The following ZC3H12B variants were observed in gnomAD, a reference collection of about 807,000 sequenced individuals.
The protein encoded by ZC3H12B is probable ribonuclease ZC3H12B.
A neutral mutation model predicts 43.9 loss-of-function variants in ZC3H12B; 7 were observed. The ratio of observed to expected loss-of-function variants is 0.16; its 90% confidence interval spans 0.09 to 0.30. The LOEUF is 0.30. Among genes scored for constraint, ZC3H12B ranks in the 10% least tolerant of loss-of-function variants. ZC3H12B has a pLI of 1.00. For synonymous variants in ZC3H12B, 222 were observed against 241.7 expected (o/e 0.92, Z 0.76); for missense variants, 475 against 670.2 (o/e 0.71, Z 3.22).
Position 65,497,058 on chromosome X carries a change from GA to G in ZC3H12B, c.609-69del. The G allele has an allele frequency of 4.2e-6, 4 of 960,971 alleles. No homozygotes were observed. In the South Asian group the frequency reaches 9.7e-5, roughly 23 times the overall value. The allele number at this position is 960,971 out of a possible 1,213,427, so 79.2% of individuals were successfully genotyped here. ...TCTATTATTAATACCTTGGTACTAA[GA>G]AAAAGCCTGCTTCAGATATTTCTTT... On this transcript the variant is annotated intron_variant, in intron 1 of 4. Coordinates refer to ENST00000338957, the Ensembl canonical transcript of ZC3H12B.
chrX:65,051,139 G>A, the ZC3H12B span, among the ~76,000 whole-genome samples: 5 of 111,493 alleles, frequency 4.5e-5, no homozygotes, highest in African/African-American at 1.6e-4. Flanking sequence ...TGAATTTATG[G>A]ACAAATAGTT....
the ZC3H12B span, among the ~76,000 whole-genome samples, chrX:65,131,857 G>T: frequency 8.9e-6 from 1 of 111,737 alleles, no homozygotes; most frequent in African/African-American, 3.3e-5. Context: ...GAGAATAAAT[G>T]TTGAAGGAGC....
chrX:65,396,730 G>C (rs1005887554), intron 2 of ZC3H12B, among the ~76,000 whole-genome samples: 2 of 111,017 alleles, frequency 1.8e-5, no homozygotes, highest in African/African-American at 6.6e-5. Context: ...ACTTGGTCCA[G>C]AGCTGAGTTC....
chrX:65,290,897 G>C, the ZC3H12B span, among the ~76,000 whole-genome samples: 1 of 110,813 alleles, frequency 9.0e-6, no homozygotes, highest in Non-Finnish European at 1.9e-5. Context: ...GTGTTAAAGG[G>C]TACAAACATA....
At chrX:65,232,959 A>G in the ZC3H12B span, among the ~76,000 whole-genome samples, 2 of 112,176 alleles carry the variant, frequency 1.8e-5, no homozygotes, top group Non-Finnish European at 3.8e-5. Flanking sequence ...TACATCAGAA[A>G]AAAATAGTTT....
At chrX:65,430,240 C>A (rs2067139306) in intron 3 of ZC3H12B, among the ~76,000 whole-genome samples, 1 of 111,243 alleles carries the variant, frequency 9.0e-6, no homozygotes, top group African/African-American at 3.3e-5. Context: ...GGAGCCAAGG[C>A]CCTCATAGTG....
Position 65,408,648 on chromosome X carries a change from A to G in ZC3H12B, n.407+9944A>G, listed in dbSNP as rs2066866577. 3 of 1,047,661 alleles carry G rather than the reference A, an allele frequency of 2.9e-6. No individual in the cohort carries two copies. The East Asian group carries it at 9.5e-5, about 33-fold the overall frequency. The allele number at this position is 1,047,661 out of a possible 1,213,427, so 86.3% of individuals were successfully genotyped here. A position where few individuals can be genotyped will look rare whatever the true frequency, so the allele number is the denominator to read the frequency against. The stretch of plus-strand genomic sequence containing the variant: ...GATGACAAGAAGCATCAAGATGCAG[A>G]GCACCACAGAGATGAGAGGCCCGGC... On this transcript the variant is annotated intron_variant and non_coding_transcript_variant, in intron 3 of 5. Coordinates refer to the ZC3H12B transcript ENST00000617377.
chrX:65,237,817 T>A, the ZC3H12B span, among the ~76,000 whole-genome samples: 1 of 111,853 alleles, frequency 8.9e-6, no homozygotes, highest in African/African-American at 3.2e-5. Context: ...TCTATTGAGA[T>A]AATCTTGTGT....
chrX:65,381,765 A>T (rs2066443572), intron 2 of ZC3H12B, among the ~76,000 whole-genome samples: 1 of 112,049 alleles, frequency 8.9e-6, no homozygotes, highest in East Asian at 2.8e-4. Flanking sequence ...AAAATGATAA[A>T]GGGGATATCA....
At chrX:65,141,278 A>T in the ZC3H12B span, among the ~76,000 whole-genome samples, 4 of 110,428 alleles carry the variant, frequency 3.6e-5, no homozygotes, top group Non-Finnish European at 5.7e-5. Context: ...AGATTTTAAA[A>T]AAATTCCCTT....
At chrX:65,215,994 A>AT in the ZC3H12B span, among the ~76,000 whole-genome samples, 3 of 111,971 alleles carry the variant, frequency 2.7e-5, no homozygotes, top group East Asian at 8.5e-4. Flanking sequence ...AGTTTGCCAC[A>AT]TATGGGTGTG....
At chrX:65,141,520 A>G in the ZC3H12B span, among the ~76,000 whole-genome samples, 2 of 108,459 alleles carry the variant, frequency 1.8e-5, no homozygotes, top group African/African-American at 6.7e-5. Flanking sequence ...ATTATTATTA[A>G]TTTAATTTTT....
chrX:65,233,679 T>A, the ZC3H12B span, among the ~76,000 whole-genome samples: 1 of 110,622 alleles, frequency 9.0e-6, no homozygotes, highest in African/African-American at 3.3e-5. Flanking sequence ...AGTAGTGCAT[T>A]TTAAAGAACT....
chrX:65,324,522 G>A, the ZC3H12B span, among the ~76,000 whole-genome samples: 6 of 111,278 alleles, frequency 5.4e-5, no homozygotes, highest in African/African-American at 2.0e-4. Flanking sequence ...GTCTCAAGAT[G>A]TTTTTCAATT....
intron 3 of ZC3H12B, among the ~76,000 whole-genome samples, chrX:65,468,199 A>G (rs1180494936): frequency 8.9e-6 from 1 of 111,739 alleles, no homozygotes; most frequent in Non-Finnish European, 1.9e-5. Context: ...AGCACCAATT[A>G]TTGAATATGG....
chrX:65,177,920 T>C, the ZC3H12B span, among the ~76,000 whole-genome samples: 1 of 110,217 alleles, frequency 9.1e-6, no homozygotes, highest in Non-Finnish European at 1.9e-5. Context: ...AAAAACTAAG[T>C]TTTATATGGA....
the ZC3H12B span, among the ~76,000 whole-genome samples, chrX:65,138,227 C>G: frequency 8.9e-6 from 1 of 112,029 alleles, no homozygotes; most frequent in East Asian, 2.8e-4. Flanking sequence ...TTGACTACAT[C>G]TCTTCACTCC....
the ZC3H12B span, among the ~76,000 whole-genome samples, chrX:65,162,256 C>T: frequency 9.0e-6 from 1 of 110,850 alleles, no homozygotes; most frequent in Non-Finnish European, 1.9e-5. Context: ...TGGAGTTGCT[C>T]TTCTCGAGGA....
the ZC3H12B span, among the ~76,000 whole-genome samples, chrX:65,232,821 A>T: frequency 1.9e-4 from 21 of 111,507 alleles, no homozygotes; most frequent in Non-Finnish European, 3.8e-4. Flanking sequence ...GAAAAAAAAA[A>T]GACTCGACTA....
Sources: gnomAD v4.1 joint callset for allele counts (sites outside exome capture counted in the v4.1 genomes callset) on GRCh38, gnomAD v4.1.1 for gene constraint, MANE v1.5 for transcripts, NCBI Gene and HGNC (gene_info 2026-07-23, HGNC 2026-07-21) for gene names.